The following NRXN3 variants were observed in gnomAD, a reference collection of about 807,000 sequenced individuals.
NRXN3 encodes the protein neurexin 3.
In NRXN3, 32 loss-of-function variants were observed where a neutral mutation model predicts 137.6. The ratio of observed to expected loss-of-function variants is 0.23; its 90% CI spans 0.18 to 0.31. The LOEUF (loss-of-function observed/expected upper bound fraction) is 0.31, where lower values mean the gene tolerates loss of function less well. Among genes scored for constraint, NRXN3 ranks in the 10% least tolerant of loss-of-function variants. The pLI is 1.00. For missense variants in NRXN3, 1,574 were observed against 2,062.5 expected, an observed-to-expected ratio of 0.76 and a Z score of 4.59; for synonymous variants, 798 against 784.5, an observed-to-expected ratio of 1.02 and a Z score of -0.29.
chr14:79,861,590 G>C lies in NRXN3; in HGVS notation c.4342G>C (p.Ala1448Pro), dbSNP rs201145490. The C allele has an allele frequency of 3.3e-5, 53 of 1,611,046 alleles. No individual in the cohort carries two copies. The highest frequency in any genetic ancestry group is 2.5e-5 in the Non-Finnish European group (29 of 1,178,900). ...PDIVLLPLPT[A>P]YELDSTKLKS... ...TATAGTCTTGCTTCCGTTGCCCACT[G>C]CCTATGAGCTAGACAGCACCAAACT... Residue 1448 changes from alanine (A) to proline (P), a missense_variant, in exon 21 of 21, where the codon GCC becomes CCC. Ala to Pro is a conservative substitution (Grantham distance 27). This residue lies in a region of NRXN3 where 320 missense variants were observed against 387.1 expected (regional missense o/e 0.83). Coordinates refer to ENST00000335750, the MANE Select transcript of NRXN3 (RefSeq NM_001330195.2). This position sits in a 1 kb window ranked among gnomAD's most constrained non-coding sequence, Gnocchi z 5.4.
intron 6 of NRXN3, among the ~76,000 whole-genome samples, chr14:78,689,533 A>G (rs1204818869): frequency 1.3e-5 from 2 of 152,182 alleles, no homozygotes; most frequent in African/African-American, 2.4e-5. Context: ...ATGGAAAAGA[A>G]GTGCTCAGAG....
chr14:78,252,615 C>T (rs981125882), intron 2 of NRXN3, among the ~76,000 whole-genome samples: 1 of 152,116 alleles, frequency 6.6e-6, no homozygotes, highest in Non-Finnish European at 1.5e-5. Context: ...TCTGTTTGCC[C>T]GTGTGAAGTC....
chr14:78,271,183 C>G (rs1341157574), intron 2 of NRXN3, among the ~76,000 whole-genome samples: 1 of 152,202 alleles, frequency 6.6e-6, no homozygotes, highest in Non-Finnish European at 1.5e-5. Flanking sequence ...ATGTATAGAA[C>G]TGCTTCCTCT....
chr14:78,626,114 G>A (rs1050866805), intron 4 of NRXN3, among the ~76,000 whole-genome samples: 1 of 152,126 alleles, frequency 6.6e-6, no homozygotes, highest in African/African-American at 2.4e-5. Context: ...AACTTTTAAG[G>A]CAGCAAGGCA....
chr14:78,574,711 AG>A lies in NRXN3; in HGVS notation c.758-70406del, dbSNP rs1461210532. On this transcript the variant is annotated intron_variant, in intron 4 of 20. Coordinates refer to ENST00000335750, the MANE Select transcript of NRXN3 (RefSeq NM_001330195.2). ...TTTATTTTACAGGCTCATAGGTGGA[AG>A]GGATTTGCCTTGTGTCAGATGAAAC... Among the ~76,000 whole-genome samples the A allele has an allele frequency of 1.1e-4, 16 of 152,244 alleles. No homozygotes were observed. The East Asian group carries it at 1.3e-3, about 13-fold the overall frequency.
intron 15 of NRXN3, among the ~76,000 whole-genome samples, chr14:79,067,965 G>A (rs1300818227): frequency 6.6e-6 from 1 of 151,946 alleles, no homozygotes; most frequent in Non-Finnish European, 1.5e-5. Flanking sequence ...ACAGACATGA[G>A]GCTATGAATA....
intron 15 of NRXN3, among the ~76,000 whole-genome samples, chr14:79,027,086 T>G (rs2152471650): frequency 6.7e-6 from 1 of 150,090 alleles, no homozygotes; most frequent in South Asian, 2.1e-4. Context: ...TTGAAGTTTT[T>G]TTTTTTTTTA....
chr14:78,868,027 A>G (rs989097130), intron 10 of NRXN3, among the ~76,000 whole-genome samples: 3 of 148,254 alleles, frequency 2.0e-5, no homozygotes, highest in Non-Finnish European at 3.0e-5. Flanking sequence ...TTATAAATTT[A>G]TATATAAATT....
At chr14:79,242,273 C>T (rs953744945) in intron 15 of NRXN3, among the ~76,000 whole-genome samples, 1 of 152,048 alleles carries the variant, frequency 6.6e-6, no homozygotes, top group African/African-American at 2.4e-5. Context: ...AGAGGTAAAG[C>T]TCAGATCCTA....
intron 20 of NRXN3, among the ~76,000 whole-genome samples, chr14:79,826,000 A>AT (rs34242066): frequency 0.28 from 42,693 of 149,830 alleles, 6,548 homozygotes; most frequent in Admixed American, 0.4. Flanking sequence ...TTCCTCAAAG[A>AT]TTTTTTTTTT....
intron 1 of NRXN3, among the ~76,000 whole-genome samples, chr14:78,210,302 T>A (rs1295514704): frequency 6.6e-6 from 1 of 152,162 alleles, no homozygotes; most frequent in Admixed American, 6.5e-5. Flanking sequence ...ATAAATAAGC[T>A]TCCTCTGGCC....
intron 15 of NRXN3, among the ~76,000 whole-genome samples, chr14:79,067,080 C>T (rs2099681698): frequency 6.6e-6 from 1 of 152,056 alleles, no homozygotes; most frequent in Non-Finnish European, 1.5e-5. Flanking sequence ...TTTTGCCCTG[C>T]AGTATGATAT....
intron 10 of NRXN3, among the ~76,000 whole-genome samples, chr14:78,842,354 G>A (rs998502052): frequency 4.3e-4 from 66 of 152,150 alleles, no homozygotes; most frequent in African/African-American, 1.6e-3. Flanking sequence ...CATATCGGCA[G>A]GTTCCGTGAT....
chr14:78,816,949 G>A (rs1183521688), intron 10 of NRXN3, among the ~76,000 whole-genome samples: 1 of 152,148 alleles, frequency 6.6e-6, no homozygotes, highest in Non-Finnish European at 1.5e-5. Context: ...TGTCATTCAT[G>A]ACTTTGGTGA....
At chr14:78,849,010 G>T (rs564264394) in intron 10 of NRXN3, among the ~76,000 whole-genome samples, 8 of 152,054 alleles carry the variant, frequency 5.3e-5, no homozygotes, top group Non-Finnish European at 1.2e-4. Context: ...AAGTAATTAT[G>T]CACAGAGAAA....
chr14:79,275,002 C>T (rs78606879), intron 15 of NRXN3, among the ~76,000 whole-genome samples: 5,994 of 152,194 alleles, frequency 0.039, 305 homozygotes, highest in African/African-American at 0.11. Flanking sequence ...AGCTTCTCTT[C>T]TATATCTCCA....
At position 78,855,129 on chromosome 14, in the gene NRXN3, A is replaced by G. The variant is rs761932295; in HGVS notation, c.2275+44785A>G. The stretch of plus-strand genomic sequence containing the variant: ...CAGTGATCCGAGATCACGCTGCTGC[A>G]CTCCAGCTTGGGGACAGAGCGAGAC... On this transcript the variant is annotated intron_variant, in intron 10 of 20. Coordinates refer to ENST00000335750, the MANE Select transcript of NRXN3 (RefSeq NM_001330195.2). Among the ~76,000 whole-genome samples the G allele has an allele frequency of 4.4e-4, 67 of 151,066 alleles. 1 individual carries two copies. Among genetic ancestry groups the G allele is most frequent in the Middle Eastern group, 3.4e-3 (1 of 292 alleles).
intron 15 of NRXN3, among the ~76,000 whole-genome samples, chr14:79,123,188 A>T (rs928278958): frequency 9.2e-5 from 14 of 152,086 alleles, no homozygotes; most frequent in African/African-American, 3.4e-4. Flanking sequence ...TGGAGCTACA[A>T]TGAAATGATT....
chr14:79,262,571 GA>G (rs373638864), intron 15 of NRXN3, among the ~76,000 whole-genome samples: 271 of 151,986 alleles, frequency 1.8e-3, no homozygotes, highest in African/African-American at 6.2e-3. Flanking sequence ...GGAGGAAGAA[GA>G]AGAAGAATAA....
Sources: gnomAD v4.1 joint callset for allele counts (sites outside exome capture counted in the v4.1 genomes callset) on GRCh38, gnomAD v4.1.1 for gene constraint, gnomAD v4.1.1 regional missense constraint, Gnocchi (gnomAD v3.1) non-coding constraint, MANE v1.5 for transcripts, NCBI Gene and HGNC (gene_info 2026-07-23, HGNC 2026-07-21) for gene names.